The following RABGAP1L variants were observed in gnomAD, a reference collection of about 807,000 sequenced individuals.
RABGAP1L encodes RAB GTPase activating protein 1 like.
RABGAP1L carries 63 observed loss-of-function variants against 137.7 expected under a neutral mutation model. The ratio of observed to expected loss-of-function variants is 0.46; its 90% confidence interval spans 0.37 to 0.56. The LOEUF (loss-of-function observed/expected upper bound fraction) is 0.56. Ranked by LOEUF, RABGAP1L falls within the 20% of genes least tolerant of loss-of-function variation. RABGAP1L has a pLI of 0.00. For missense variants in RABGAP1L, 1,095 were observed against 1,244.0 expected (o/e 0.88, Z 1.80); for synonymous variants, 431 against 433.7 (o/e 0.99, Z 0.08).
At chr1:174,813,055 A>C (rs1690040279) in intron 19 of RABGAP1L, among the ~76,000 whole-genome samples, 1 of 152,232 alleles carries the variant, frequency 6.6e-6, no homozygotes, top group Non-Finnish European at 1.5e-5. Flanking sequence ...CTTTACTTTG[A>C]GTGAAGCAGG....
chr1:174,892,711 C>A, intron 19 of RABGAP1L: 1 of 502,170 alleles, frequency 2.0e-6, no homozygotes, highest in Non-Finnish European at 3.9e-6. Context: ...CTTCAGGCTA[C>A]CTCATTTCTT....
chr1:174,877,339 T>G, intron 19 of RABGAP1L: 1 of 1,402,076 alleles, frequency 7.1e-7, no homozygotes, highest in Non-Finnish European at 9.6e-7. Flanking sequence ...GCTTTTTTTT[T>G]CTTTCTCTTT....
chr1:174,480,108 T>A (rs551330195), intron 13 of RABGAP1L, among the ~76,000 whole-genome samples: 3 of 152,280 alleles, frequency 2.0e-5, no homozygotes, highest in East Asian at 3.9e-4. Flanking sequence ...AAATTATATC[T>A]TTTAATAACT....
rs1285726031 is a variant in RABGAP1L, at chr1:174,991,083, T to C, written c.*1082T>C. ...TGTGTCCTTCGTACCCATAAAGAGATACAAATGCATTTGTAACATTTTTGA... is the reference window on the plus strand; with the variant it reads ...TGTGTCCTTCGTACCCATAAAGAGACACAAATGCATTTGTAACATTTTTGA... On this transcript the variant is annotated 3_prime_UTR_variant, in exon 26 of 26. Coordinates refer to ENST00000681986, the MANE Select transcript of RABGAP1L (RefSeq NM_001366446.1). The C allele has an allele frequency of 6.6e-6, 1 of 152,312 alleles. No homozygotes were observed. The highest frequency in any genetic ancestry group is 1.5e-5 in the Non-Finnish European group (1 of 68,008). 9.4% of individuals were successfully genotyped at this position (152,312 alleles called of 1,614,324 possible).
intron 19 of RABGAP1L, among the ~76,000 whole-genome samples, chr1:174,908,261 A>T (rs1659440373): frequency 6.6e-6 from 1 of 152,214 alleles, no homozygotes. Flanking sequence ...AAATTAGCAA[A>T]GAAACAGTAG....
chr1:174,308,025 T>C (rs1678466757), intron 11 of RABGAP1L, among the ~76,000 whole-genome samples: 1 of 152,102 alleles, frequency 6.6e-6, no homozygotes, highest in Non-Finnish European at 1.5e-5. Flanking sequence ...TGAGATGATA[T>C]CTCATTGTAG....
At chr1:174,357,893 G>T (rs1375506209) in intron 11 of RABGAP1L, among the ~76,000 whole-genome samples, 1 of 152,164 alleles carries the variant, frequency 6.6e-6, no homozygotes, top group African/African-American at 2.4e-5. Context: ...CTTGCCCTTT[G>T]CCAGGCACCC....
At chr1:174,182,917 T>C (rs1419866294) in intron 1 of RABGAP1L, among the ~76,000 whole-genome samples, 1 of 152,244 alleles carries the variant, frequency 6.6e-6, no homozygotes, top group Admixed American at 6.5e-5. Context: ...TATTTATATT[T>C]ATTATAGAAA....
At chr1:174,867,354 AG>A (rs2149042474) in intron 19 of RABGAP1L, among the ~76,000 whole-genome samples, 1 of 151,972 alleles carries the variant, frequency 6.6e-6, no homozygotes, top group Non-Finnish European at 1.5e-5. Flanking sequence ...AAAAAAAGAT[AG>A]ATAGATAGAT....
At chr1:174,178,719 A>G (rs1489441498) in intron 1 of RABGAP1L, among the ~76,000 whole-genome samples, 1 of 152,172 alleles carries the variant, frequency 6.6e-6, no homozygotes, top group Non-Finnish European at 1.5e-5. Flanking sequence ...ATTCTCAACA[A>G]ACTAACAAAG....
At chr1:174,652,781 C>A (rs981883207) in intron 14 of RABGAP1L, among the ~76,000 whole-genome samples, 2 of 152,194 alleles carry the variant, frequency 1.3e-5, no homozygotes, top group Non-Finnish European at 2.9e-5. Flanking sequence ...GGGTCTGGAA[C>A]CCACTTGAGG....
intron 13 of RABGAP1L, among the ~76,000 whole-genome samples, chr1:174,490,192 C>T (rs538474845): frequency 1.3e-5 from 2 of 152,116 alleles, no homozygotes; most frequent in East Asian, 1.9e-4. Flanking sequence ...TTATTGTAGT[C>T]TTCTCATTCT....
At chr1:174,655,218 T>A (rs1675875540) in intron 14 of RABGAP1L, among the ~76,000 whole-genome samples, 1 of 152,174 alleles carries the variant, frequency 6.6e-6, no homozygotes, top group Non-Finnish European at 1.5e-5. Flanking sequence ...ATCATTCAGT[T>A]TTTACTAATC....
At chr1:174,462,724 A>G (rs907312478) in intron 13 of RABGAP1L, among the ~76,000 whole-genome samples, 4 of 152,000 alleles carry the variant, frequency 2.6e-5, no homozygotes, top group Non-Finnish European at 5.9e-5. Context: ...TGTTGTTCCA[A>G]TCTTTATATT....
At chr1:174,624,467 C>G (rs866583077) in intron 13 of RABGAP1L, among the ~76,000 whole-genome samples, 5 of 152,182 alleles carry the variant, frequency 3.3e-5, no homozygotes, top group Middle Eastern at 3.4e-3. Context: ...GCCCCCAGAT[C>G]CTATTACAAT....
chr1:174,281,434 G>A (rs569105022), intron 10 of RABGAP1L, among the ~76,000 whole-genome samples: 2 of 152,304 alleles, frequency 1.3e-5, no homozygotes, highest in South Asian at 4.1e-4. Context: ...TGATTGGTGT[G>A]TTTACAAACC....
At chr1:174,830,154 A>G (rs1421088737) in intron 19 of RABGAP1L, among the ~76,000 whole-genome samples, 1 of 148,000 alleles carries the variant, frequency 6.8e-6, no homozygotes, top group African/African-American at 2.5e-5. Context: ...GATCCAGTGC[A>G]CAAACACTTT....
At chr1:174,548,006 A>T in intron 13 of RABGAP1L, 1 of 1,550,568 alleles carries the variant, frequency 6.4e-7, no homozygotes, top group Non-Finnish European at 8.7e-7. Context: ...CCTGAATTGT[A>T]CAAATATGTC....
chr1:174,648,007 G>A (rs1302919873), intron 14 of RABGAP1L, among the ~76,000 whole-genome samples: 1 of 152,036 alleles, frequency 6.6e-6, no homozygotes, highest in Non-Finnish European at 1.5e-5. Context: ...GGTGTTTATA[G>A]TATTCTCTGA....
Sources: allele counts gnomAD v4.1 joint callset (sites outside exome capture counted in the v4.1 genomes callset), GRCh38; gene constraint gnomAD v4.1.1; transcripts MANE v1.5; gene names NCBI Gene and HGNC (gene_info 2026-07-23, HGNC 2026-07-21).